Variants in NUBPL observed in about 807,000 individuals in gnomAD.
The protein encoded by NUBPL is NUBP iron-sulfur cluster assembly factor, mitochondrial.
Under a neutral mutation model 45.7 loss-of-function variants are expected in NUBPL, and 31 were observed. The observed-to-expected ratio is 0.68, with a 90% CI of 0.51 to 0.92. The LOEUF (loss-of-function observed/expected upper bound fraction) is 0.92. Among genes scored for constraint, NUBPL ranks in the 40% least tolerant of loss-of-function variants. The probability of loss-of-function intolerance (pLI) is 0.00; values close to 1 mark genes in which losing one functional copy is unlikely to be tolerated. For synonymous variants in NUBPL, 144 were observed against 140.9 expected, an observed-to-expected ratio of 1.02 and a Z score of -0.15; for missense variants, 401 against 398.7, an observed-to-expected ratio of 1.01 and a Z score of -0.05.
At position 31,761,263 on chromosome 14, in the gene NUBPL, C is replaced by A. The variant is rs545414301; in HGVS notation, c.514-26517C>A. ...GCACAATCATAGCTCACTGCAGCCT[C>A]CAACTGTCCAATTCCTGGGCTCAAG... On this transcript the variant is annotated intron_variant, in intron 6 of 10. Coordinates refer to ENST00000281081, the MANE Select transcript of NUBPL (RefSeq NM_025152.3). Among the ~76,000 whole-genome samples the A allele has an allele frequency of 1.2e-4, 18 of 152,192 alleles. No homozygotes were observed. In the East Asian group the frequency reaches 2.1e-3, roughly 18 times the overall value.
intron 6 of NUBPL, among the ~76,000 whole-genome samples, chr14:31,752,485 G>A (rs990226631): frequency 2.0e-5 from 3 of 152,208 alleles, no homozygotes; most frequent in African/African-American, 7.2e-5. Flanking sequence ...CTAAAGCATA[G>A]CAAGAGTGAC....
chr14:31,618,631 T>G (rs2034975354), intron 4 of NUBPL, among the ~76,000 whole-genome samples: 1 of 152,224 alleles, frequency 6.6e-6, no homozygotes, highest in Non-Finnish European at 1.5e-5. Flanking sequence ...TGCACTGTGG[T>G]TGCAGAACCT....
chr14:31,819,030 A>G (rs1162887509), intron 7 of NUBPL, among the ~76,000 whole-genome samples: 1 of 152,226 alleles, frequency 6.6e-6, no homozygotes, highest in Non-Finnish European at 1.5e-5. Flanking sequence ...GTCTGTGAGT[A>G]CATTTGAGGT....
At chr14:31,637,694 G>T (rs2035547725) in intron 4 of NUBPL, among the ~76,000 whole-genome samples, 1 of 152,158 alleles carries the variant, frequency 6.6e-6, no homozygotes, top group African/African-American at 2.4e-5. Flanking sequence ...TGGGAAGTTA[G>T]AGTCTCCCAT....
At chr14:31,691,606 A>G (rs926957566) in intron 6 of NUBPL, among the ~76,000 whole-genome samples, 2 of 152,208 alleles carry the variant, frequency 1.3e-5, no homozygotes, top group African/African-American at 2.4e-5. Flanking sequence ...GGCAGACATA[A>G]TGATGCAGTG....
chr14:31,663,855 A>G (rs1222003103), intron 4 of NUBPL, among the ~76,000 whole-genome samples: 1 of 152,166 alleles, frequency 6.6e-6, no homozygotes, highest in Admixed American at 6.5e-5. Flanking sequence ...ACAATATTGA[A>G]TGTTCCTATC....
In NUBPL at chr14:31,640,586, G is replaced by T. The variant is rs546047405; in HGVS notation, c.383-32769G>T. Among the ~76,000 whole-genome samples, 13 of 140,604 alleles carry T rather than the reference G, an allele frequency of 9.2e-5. 1 individual carries two copies. The South Asian group carries it at 2.3e-3, about 25-fold the overall frequency. The allele number at this position is 140,604 out of a possible 152,430, so 92.2% of individuals were successfully genotyped here. A position where few individuals can be genotyped will look rare whatever the true frequency, so the allele number is the denominator to read the frequency against. Reference sequence around the variant, plus strand: ...GTTAAGATCACACCACTGCACTCCAGCCTGGGCGACAGAGTGAGACTCTGT... The same window carrying T: ...GTTAAGATCACACCACTGCACTCCATCCTGGGCGACAGAGTGAGACTCTGT... On this transcript the variant is annotated intron_variant, in intron 4 of 10. Transcript: ENST00000281081.
rs1311902817 is a variant in NUBPL, at chr14:31,654,773, AATG to A, written c.383-18579_383-18577del. ...ACATTGATTGACTCTTCTTTTCATGAATGATTTGTCTATAGCATGTAATGCTGT... is the reference window on the plus strand; with the variant it reads ...ACATTGATTGACTCTTCTTTTCATGAATTTGTCTATAGCATGTAATGCTGT... On this transcript the variant is annotated intron_variant, in intron 4 of 10. Transcript: ENST00000281081. Among the ~76,000 whole-genome samples the A allele has an allele frequency of 2.6e-5, 4 of 152,256 alleles. No individual in the cohort carries two copies. The East Asian group carries it at 5.8e-4, about 22-fold the overall frequency.
chr14:31,760,452 C>T (rs1279375859), intron 6 of NUBPL, among the ~76,000 whole-genome samples: 1 of 152,032 alleles, frequency 6.6e-6, no homozygotes, highest in Non-Finnish European at 1.5e-5. Context: ...TGCACCTGGC[C>T]TTACTGCAAT....
chr14:31,811,038 G>T (rs150419323), intron 7 of NUBPL, among the ~76,000 whole-genome samples: 25 of 152,192 alleles, frequency 1.6e-4, no homozygotes, highest in African/African-American at 5.1e-4. Context: ...TTTCTCTCTG[G>T]CTGCCCTTAG....
At chr14:31,649,680 G>T (rs372506933) in intron 4 of NUBPL, among the ~76,000 whole-genome samples, 2 of 152,164 alleles carry the variant, frequency 1.3e-5, no homozygotes, top group East Asian at 1.9e-4. Context: ...TTAAAAATAT[G>T]AGGAGATAAG....
At chr14:31,700,432 C>A (rs997827388) in intron 6 of NUBPL, among the ~76,000 whole-genome samples, 1 of 152,140 alleles carries the variant, frequency 6.6e-6, no homozygotes, top group Non-Finnish European at 1.5e-5. Context: ...GGCCTCAGCG[C>A]CTACTCTGGC....
chr14:31,754,715 T>C (rs1013930895), intron 6 of NUBPL, among the ~76,000 whole-genome samples: 1 of 151,520 alleles, frequency 6.6e-6, no homozygotes, highest in African/African-American at 2.4e-5. Context: ...ATTATTATTA[T>C]ACTTTAAGTT....
rs763945569 is a variant in NUBPL at position 31,562,110 on chromosome 14, C to T, written c.151C>T (p.Gln51Ter). 2 of 1,612,310 alleles carry T rather than the reference C, an allele frequency of 1.2e-6. No individual in the cohort carries two copies. Among genetic ancestry groups the T allele is most frequent in the South Asian group, 2.2e-5 (2 of 90,882 alleles). The change falls in exon 2 of 11, where the codon CAA becomes TAA. Residue 51 changes from glutamine (Q) to a stop codon, truncating the protein, a stop_gained. Transcript: ENST00000281081. LOFTEE classifies it high-confidence loss of function. ...GSETLKQRRT[Q>*]IMSRGLPKQK... is the part of the protein sequence containing the mutation. ...TGAGACCCTAAAACAAAGAAGAACA[C>T]AAATCATGTCCCGAGGACTTCCAAA... is the stretch of plus-strand genomic sequence containing the variant.
chr14:31,656,741 TA>T (rs2036150319), intron 4 of NUBPL, among the ~76,000 whole-genome samples: 1 of 152,086 alleles, frequency 6.6e-6, no homozygotes. Context: ...ATACTAATAA[TA>T]AAAAAGTGTG....
chr14:31,666,640 A>G (rs1461539365), intron 4 of NUBPL, among the ~76,000 whole-genome samples: 4 of 152,102 alleles, frequency 2.6e-5, no homozygotes. Context: ...CGGTTTCTTC[A>G]TAGTGTCATT....
intron 4 of NUBPL, among the ~76,000 whole-genome samples, chr14:31,649,881 C>T (rs1043791166): frequency 2.0e-5 from 3 of 152,110 alleles, no homozygotes; most frequent in East Asian, 1.9e-4. Context: ...TGTTTTGAGA[C>T]GGAGTTTCAC....
chr14:31,681,998 A>G (rs1259442117), intron 6 of NUBPL, among the ~76,000 whole-genome samples: 5 of 152,158 alleles, frequency 3.3e-5, no homozygotes, highest in Admixed American at 1.3e-4. Context: ...GAACGACTGC[A>G]TTTTTAAATT....
intron 4 of NUBPL, among the ~76,000 whole-genome samples, chr14:31,643,014 A>C (rs984018732): frequency 6.6e-6 from 1 of 152,060 alleles, no homozygotes; most frequent in Non-Finnish European, 1.5e-5. Flanking sequence ...TGTGTAGTGC[A>C]ACTTTACTCA....
Sources: allele counts gnomAD v4.1 joint callset (sites outside exome capture counted in the v4.1 genomes callset), GRCh38; gene constraint gnomAD v4.1.1; transcripts MANE v1.5; gene names NCBI Gene and HGNC (gene_info 2026-07-23, HGNC 2026-07-21).